Variants in PRKX observed in about 807,000 individuals in gnomAD.
PRKX encodes the protein cAMP-dependent protein kinase catalytic subunit PRKX.
Under a neutral mutation model 22.0 loss-of-function variants are expected in PRKX, and 12 were observed. The ratio of observed to expected loss-of-function variants is 0.54; its 90% CI spans 0.35 to 0.88. The LOEUF (loss-of-function observed/expected upper bound fraction) is 0.88. PRKX is among the 40% of genes least tolerant of loss of function. The pLI is 0.01. For synonymous variants in PRKX, 134 were observed against 137.7 expected (o/e 0.97, Z 0.19); for missense variants, 217 against 308.0 (o/e 0.70, Z 2.21).
intron 1 of PRKX, among the ~76,000 whole-genome samples, chrX:3,691,840 A>T (rs1416679700): frequency 1.1e-5 from 1 of 93,093 alleles, no homozygotes; most frequent in Non-Finnish European, 2.2e-5. Context: ...ATAGATGGAT[A>T]GATAGAAAGA....
At chrX:3,630,091 C>G (rs1177026676) in intron 4 of PRKX, among the ~76,000 whole-genome samples, 1 of 112,099 alleles carries the variant, frequency 8.9e-6, no homozygotes, top group Admixed American at 9.5e-5. Flanking sequence ...GCTGCAGAAA[C>G]CAGCAGACTT....
chrX:3,607,058 TA>T lies in PRKX; in HGVS notation c.*1910del, dbSNP rs1436683538. On this transcript the variant is annotated 3_prime_UTR_variant, in exon 9 of 9. Transcript: ENST00000262848. ...ATCCTGGATAATAAAACAGACAACC[TA>T]AAAATAGGCATATGGACTCATGGAT... 8.9e-6 allele frequency: 1 copy of T among 112,235 alleles called. No individual in the cohort carries two copies. The highest frequency in any genetic ancestry group is 3.2e-5 in the African/African-American group (1 of 30,875). 9.2% of individuals were successfully genotyped at this position (112,235 alleles called of 1,213,427 possible).
chrX:3,607,701 G>A lies in PRKX; in HGVS notation c.*1268C>T, dbSNP rs1160813119. The A allele has an allele frequency of 1.8e-5, 2 of 109,319 alleles. No individual in the cohort carries two copies. The highest frequency in any genetic ancestry group is 5.8e-4 in the East Asian group (2 of 3,472). 9.0% of individuals were successfully genotyped at this position (109,319 alleles called of 1,213,427 possible). On this transcript the variant is annotated 3_prime_UTR_variant, in exon 9 of 9. Transcript: ENST00000262848. ...ACATCTTTTTTTTTATATAGAGATG[G>A]GGTCTCGCTATGCTGCCCAGGTCGG...
chrX:3,698,944 A>T (rs112796922), intron 1 of PRKX, among the ~76,000 whole-genome samples: 4,495 of 101,881 alleles, frequency 0.044, 271 homozygotes, highest in African/African-American at 0.16. Context: ...ACACTCGCCC[A>T]CCATCCCACA....
chrX:3,684,270 AAACG>A (rs1391468293), intron 1 of PRKX, among the ~76,000 whole-genome samples: 7 of 112,034 alleles, frequency 6.2e-5, no homozygotes, highest in African/African-American at 1.3e-4. Flanking sequence ...AAAAACAAAC[AAACG>A]AACAAAATAA....
intron 2 of PRKX, among the ~76,000 whole-genome samples, chrX:3,666,911 T>TAAAA (rs35951668): frequency 0.11 from 7,254 of 65,335 alleles, 479 homozygotes; most frequent in Non-Finnish European, 0.13. Flanking sequence ...TCATTTCTTT[T>TAAAA]AAAAAAAAAA....
intron 1 of PRKX, among the ~76,000 whole-genome samples, chrX:3,705,971 C>T (rs1276384058): frequency 1.0e-5 from 1 of 99,661 alleles, no homozygotes; most frequent in East Asian, 3.2e-4. Flanking sequence ...GGATTACAGG[C>T]ATGAGCCACC....
At chrX:3,633,192 T>G (rs1214833633) in intron 4 of PRKX, among the ~76,000 whole-genome samples, 1 of 99,031 alleles carries the variant, frequency 1.0e-5, no homozygotes, top group Middle Eastern at 6.0e-3. Flanking sequence ...GGTCGAGGCT[T>G]CAGTAAGCTA....
At chrX:3,671,947 A>C (rs1475433797) in intron 2 of PRKX, among the ~76,000 whole-genome samples, 3 of 111,900 alleles carry the variant, frequency 2.7e-5, no homozygotes, top group Non-Finnish European at 5.6e-5. Context: ...ACATAGCAAG[A>C]CCCTGTTCAT....
intron 2 of PRKX, among the ~76,000 whole-genome samples, chrX:3,674,373 G>C (rs1927905759): frequency 1.8e-5 from 2 of 111,761 alleles, no homozygotes; most frequent in Non-Finnish European, 3.8e-5. Flanking sequence ...ACGGACTTCT[G>C]AACACAGAGC....
At chrX:3,702,761 G>T (rs1318980822) in intron 1 of PRKX, among the ~76,000 whole-genome samples, 1 of 100,172 alleles carries the variant, frequency 1.0e-5, no homozygotes, top group South Asian at 5.0e-4. Flanking sequence ...TAGCACAATC[G>T]CAGCTCACTG....
In PRKX at chrX:3,659,717, G is replaced by GTTTTTGTTTT. The variant is rs1569053338; in HGVS notation, c.336-4306_336-4305insAAAACAAAAA. On this transcript the variant is annotated intron_variant, in intron 2 of 8. Transcript: ENST00000262848. Reference sequence around the variant, plus strand: ...ATTTTGTTGGAGTGGTGTTTTTTTTGTTTTTTTTTTTGTTTTTTTTTTTTT... The same window carrying GTTTTTGTTTT: ...ATTTTGTTGGAGTGGTGTTTTTTTTGTTTTTGTTTTTTTTTTTTTTTGTTTTTTTTTTTTT... Among the ~76,000 whole-genome samples the GTTTTTGTTTT allele has an allele frequency of 7.1e-5, 2 of 28,039 alleles. 1 individual carries two copies. The highest frequency in any genetic ancestry group is 1.2e-4 in the Non-Finnish European group (2 of 16,404). 24.3% of individuals were successfully genotyped at this position (28,039 alleles called of 115,157 possible).
chrX:3,654,047 A>T (rs1447035720), intron 3 of PRKX, among the ~76,000 whole-genome samples: 1 of 83,123 alleles, frequency 1.2e-5, no homozygotes, highest in East Asian at 3.4e-4. Context: ...TATATATTAT[A>T]TATATTATAT....
intron 2 of PRKX, among the ~76,000 whole-genome samples, chrX:3,662,998 TAAAAAAAA>T (rs56411206): frequency 1.3e-5 from 1 of 78,490 alleles, no homozygotes; most frequent in Non-Finnish European, 2.4e-5. Flanking sequence ...GCCCTGTCTT[TAAAAAAAA>T]AAAAAAAAAA....
intron 2 of PRKX, among the ~76,000 whole-genome samples, chrX:3,660,462 G>T (rs1463617731): frequency 1.8e-5 from 2 of 111,672 alleles, no homozygotes; most frequent in Non-Finnish European, 3.8e-5. Flanking sequence ...GTAAGAAAAA[G>T]ATGGACGCAT....
At chrX:3,694,383 A>G (rs12010244) in intron 1 of PRKX, among the ~76,000 whole-genome samples, 47,017 of 108,849 alleles carry the variant, frequency 0.43, 8,293 homozygotes, top group African/African-American at 0.62. Context: ...GCGAAACTCC[A>G]TCACCAAAAA....
At chrX:3,704,899 T>C (rs1368148679) in intron 1 of PRKX, among the ~76,000 whole-genome samples, 2 of 111,883 alleles carry the variant, frequency 1.8e-5, no homozygotes, top group East Asian at 5.6e-4. Context: ...GCAGTGAACC[T>C]GGGAGTGCAG....
rs761254653 is a variant in PRKX at position 3,662,421 on chromosome X, C to T, written c.336-7009G>A. On this transcript the variant is annotated intron_variant, in intron 2 of 8. Transcript: ENST00000262848. ...CAAAAAATTAAAAATTAGGGCCAGGCGCAGTGGCTCATGCCTGTAATCCCA... is the reference window on the plus strand; with the variant it reads ...CAAAAAATTAAAAATTAGGGCCAGGTGCAGTGGCTCATGCCTGTAATCCCA... Among the ~76,000 whole-genome samples the T allele has an allele frequency of 5.4e-5, 6 of 110,580 alleles. No individual in the cohort carries two copies. The South Asian group carries it at 2.3e-3, about 43-fold the overall frequency.
rs1178859606 is a variant in PRKX at position 3,606,659 on chromosome X, G to C, written c.*2310C>G. 3 of 109,209 alleles carry C rather than the reference G, an allele frequency of 2.7e-5. No homozygotes were observed. In the East Asian group the frequency reaches 8.5e-4, roughly 31 times the overall value. The allele number at this position is 109,209 out of a possible 1,213,427, so 9.0% of individuals were successfully genotyped here. On this transcript the variant is annotated 3_prime_UTR_variant, in exon 9 of 9. Coordinates refer to ENST00000262848, the MANE Select transcript of PRKX (RefSeq NM_005044.5). Reference sequence around the variant, plus strand: ...CAAAGTGCTGGGATTACAGGCGTGAGCCACCATGCCTGGCCAGGTAAACTA... The same window carrying C: ...CAAAGTGCTGGGATTACAGGCGTGACCCACCATGCCTGGCCAGGTAAACTA...
Sources: gnomAD v4.1 joint callset for allele counts (sites outside exome capture counted in the v4.1 genomes callset) on GRCh38, gnomAD v4.1.1 for gene constraint, MANE v1.5 for transcripts, NCBI Gene and HGNC (gene_info 2026-07-23, HGNC 2026-07-21) for gene names.